Variants in KMT2E observed in about 807,000 individuals in gnomAD.
The protein encoded by KMT2E is histone reader KMT2E.
Under a neutral mutation model 184.6 loss-of-function variants are expected in KMT2E, and 30 were observed. That is an observed-to-expected ratio of 0.16 (90% CI 0.12 to 0.22). KMT2E has a LOEUF of 0.22. Among genes scored for constraint, KMT2E ranks in the 10% least tolerant of loss-of-function variants. The pLI, the probability that KMT2E is intolerant of heterozygous loss-of-function variation, is 1.00. For missense variants in KMT2E, 2,023 were observed against 2,237.4 expected, an observed-to-expected ratio of 0.90 and a Z score of 1.93; for synonymous variants, 815 against 776.5, an observed-to-expected ratio of 1.05 and a Z score of -0.82.
chr7:105,073,371 T>A (rs1172803546), intron 6 of KMT2E, among the ~76,000 whole-genome samples: 1 of 146,830 alleles, frequency 6.8e-6, no homozygotes, highest in Non-Finnish European at 1.5e-5. Context: ...CACTCCAGCC[T>A]GGGTGATAGG....
chr7:105,050,749 C>T (rs1340371109), intron 3 of KMT2E, among the ~76,000 whole-genome samples: 10 of 148,618 alleles, frequency 6.7e-5, no homozygotes, highest in Non-Finnish European at 1.2e-4. Context: ...TTCTTTCTTT[C>T]GACAGACTCT....
At chr7:105,105,338 A>G (rs972305307) in intron 17 of KMT2E, 101 bp from the exon 18 acceptor site, 2 of 823,074 alleles carry the variant, frequency 2.4e-6, no homozygotes, top group African/African-American at 1.7e-5. Context: ...TACCCAATTT[A>G]TCATTTTAGA....
intron 1 of KMT2E, among the ~76,000 whole-genome samples, chr7:105,034,770 C>T (rs1203223820): frequency 1.4e-5 from 2 of 144,948 alleles, no homozygotes; most frequent in African/African-American, 2.6e-5. Context: ...AATAACCTAT[C>T]CTCCATTTCT....
intron 13 of KMT2E, among the ~76,000 whole-genome samples, chr7:105,087,720 A>T (rs1304906548): frequency 3.2e-4 from 49 of 151,776 alleles, no homozygotes; most frequent in Non-Finnish European, 7.4e-5. Flanking sequence ...TACCACGCCC[A>T]GCCTCCCAGA....
intron 13 of KMT2E, among the ~76,000 whole-genome samples, chr7:105,083,752 T>C (rs572430671): frequency 6.6e-6 from 1 of 152,174 alleles, no homozygotes; most frequent in Non-Finnish European, 1.5e-5. Flanking sequence ...GTGTCTGCAT[T>C]AAAAGACTTT....
chr7:105,041,190 A>G (rs1287154954), intron 3 of KMT2E, among the ~76,000 whole-genome samples, 167 bp downstream of exon 3: 2 of 152,044 alleles, frequency 1.3e-5, no homozygotes, highest in Admixed American at 6.5e-5. Context: ...AACACTGAGA[A>G]CGTGATTGCT....
chr7:105,051,322 A>T (rs1378159010), intron 3 of KMT2E, among the ~76,000 whole-genome samples: 1 of 151,896 alleles, frequency 6.6e-6, no homozygotes, highest in African/African-American at 2.4e-5. Context: ...AGTAGCTGGG[A>T]TTACAGGCAT....
At chr7:105,088,348 T>G (rs931649086) in intron 13 of KMT2E, among the ~76,000 whole-genome samples, 2 of 152,244 alleles carry the variant, frequency 1.3e-5, no homozygotes, top group African/African-American at 4.8e-5. Flanking sequence ...CAAGCTAGTA[T>G]CTGTTAATAC....
intron 1 of KMT2E, among the ~76,000 whole-genome samples, chr7:105,027,456 G>T (rs1447305203): frequency 6.6e-6 from 1 of 152,034 alleles, no homozygotes; most frequent in Admixed American, 6.6e-5. Flanking sequence ...TTTCATTTTT[G>T]CCTGTATTCT....
intron 1 of KMT2E, among the ~76,000 whole-genome samples, chr7:105,034,023 C>T (rs1023214787): frequency 6.6e-6 from 1 of 152,126 alleles, no homozygotes; most frequent in Non-Finnish European, 1.5e-5. Flanking sequence ...CCACAAGAGC[C>T]ACCCACAGAG....
chr7:105,049,261 A>G (rs116437743), intron 3 of KMT2E, among the ~76,000 whole-genome samples: 2,261 of 151,778 alleles, frequency 0.015, 53 homozygotes, highest in African/African-American at 0.051. Context: ...CCTTGGCAAC[A>G]TGATGAAACC....
intron 15 of KMT2E, among the ~76,000 whole-genome samples, chr7:105,093,368 C>T (rs908299848): frequency 2.0e-5 from 3 of 152,102 alleles, no homozygotes; most frequent in Non-Finnish European, 2.9e-5. Context: ...AGAACATCCT[C>T]ATTTCCAGAT....
chr7:105,078,975 G>T lies in KMT2E; in HGVS notation c.1248+12G>T. 1 of 1,509,688 alleles carries T rather than the reference G, an allele frequency of 6.6e-7. No individual in the cohort carries two copies. The highest frequency in any genetic ancestry group is 1.1e-5 in the South Asian group (1 of 88,844). 93.5% of individuals were successfully genotyped at this position (1,509,688 alleles called of 1,614,324 possible). ...CACCCAATGCAGAGGTAAGCTTATA[G>T]AAATTTTTTGGGGAGATGTGGGTGC... On this transcript the variant is annotated intron_variant, in intron 12 of 26. Coordinates refer to ENST00000311117, the MANE Select transcript of KMT2E (RefSeq NM_182931.3).
At chr7:105,046,580 AG>A (rs1260184366) in intron 3 of KMT2E, among the ~76,000 whole-genome samples, 2 of 152,208 alleles carry the variant, frequency 1.3e-5, no homozygotes, top group African/African-American at 2.4e-5. Context: ...TAGAATTACT[AG>A]GTCAAATGGA....
At chr7:105,086,715 A>T (rs955281844) in intron 13 of KMT2E, among the ~76,000 whole-genome samples, 2 of 150,138 alleles carry the variant, frequency 1.3e-5, no homozygotes, top group African/African-American at 4.9e-5. Context: ...ACAGAGCGAG[A>T]CTCCATCTCA....
chr7:105,110,909 G>A (rs1799218092), intron 26 of KMT2E, 41 bp downstream of exon 26: 1 of 1,390,910 alleles, frequency 7.2e-7, no homozygotes, highest in South Asian at 1.2e-5. Flanking sequence ...AAGGACTTTA[G>A]GTTGAGTGCA....
At chr7:105,101,644 A>G (rs1798660141) in intron 16 of KMT2E, 55 bp downstream of exon 16, 1 of 1,352,408 alleles carries the variant, frequency 7.4e-7, no homozygotes, top group Non-Finnish European at 9.8e-7. Flanking sequence ...TAAAATGTCT[A>G]TACTTGCATT....
At chr7:105,089,567 TGCAGTCAGAACTTTGTTTCAG>T (rs1043245911) in intron 13 of KMT2E, among the ~76,000 whole-genome samples, 1 of 152,242 alleles carries the variant, frequency 6.6e-6, no homozygotes, top group Non-Finnish European at 1.5e-5. Flanking sequence ...ACAGTCAAAG[TGCAGTCAGAACTTTGTTTCAG>T]GCACAGAATT....
At position 105,054,675 on chromosome 7, in the gene KMT2E, T is replaced by C. The variant is rs150368760; in HGVS notation, c.72-7489T>C. Among the ~76,000 whole-genome samples, 454 of 152,192 alleles carry C rather than the reference T, an allele frequency of 3.0e-3. 15 individuals carry two copies. In the East Asian group the frequency reaches 0.062, roughly 21 times the overall value. ...GATTATAGGCATGAGCCACCATGCCTGGCTAATTTTGTATTTTTAGTAGAG... is the reference window on the plus strand; with the variant it reads ...GATTATAGGCATGAGCCACCATGCCCGGCTAATTTTGTATTTTTAGTAGAG... On this transcript the variant is annotated intron_variant, in intron 3 of 26. Coordinates refer to ENST00000311117, the MANE Select transcript of KMT2E (RefSeq NM_182931.3).
Sources: gnomAD v4.1 joint callset for allele counts (sites outside exome capture counted in the v4.1 genomes callset) on GRCh38, gnomAD v4.1.1 for gene constraint, MANE v1.5 for transcripts, NCBI Gene and HGNC (gene_info 2026-07-23, HGNC 2026-07-21) for gene names.